FRMD4A: variants seen among roughly 807,000 people sequenced by gnomAD.
FRMD4A encodes the protein FERM domain-containing protein 4A.
FRMD4A carries 29 observed loss-of-function variants against 129.1 expected under a neutral mutation model. The observed-to-expected ratio is 0.22, with a 90% CI of 0.17 to 0.31. FRMD4A has a LOEUF of 0.31. FRMD4A is among the 10% of genes least tolerant of loss of function. FRMD4A has a pLI of 1.00. For synonymous variants in FRMD4A, 634 were observed against 571.6 expected (o/e 1.11, Z -1.56); for missense variants, 1,272 against 1,375.8 (o/e 0.92, Z 1.19).
At chr10:13,708,776 A>G (rs940242333) in intron 12 of FRMD4A, among the ~76,000 whole-genome samples, 1 of 152,052 alleles carries the variant, frequency 6.6e-6, no homozygotes, top group Non-Finnish European at 1.5e-5. Context: ...AAAACACCCA[A>G]ATTTCCTCTC....
chr10:13,919,831 G>C (rs765418282), intron 2 of FRMD4A, among the ~76,000 whole-genome samples: 13 of 152,052 alleles, frequency 8.5e-5, no homozygotes, highest in Non-Finnish European at 1.5e-4. Context: ...CCAGCCATTC[G>C]GGAGGCTGAG....
intron 2 of FRMD4A, among the ~76,000 whole-genome samples, chr10:14,063,315 A>G (rs966363778): frequency 1.3e-5 from 2 of 152,162 alleles, no homozygotes; most frequent in Non-Finnish European, 2.9e-5. Context: ...TCTTCAAAAG[A>G]GGCAAGATTC....
intron 2 of FRMD4A, among the ~76,000 whole-genome samples, chr10:13,876,049 C>T (rs927930285): frequency 3.9e-5 from 6 of 152,190 alleles, no homozygotes; most frequent in African/African-American, 1.4e-4. Flanking sequence ...AGCATCATTG[C>T]TCAAAATGGA....
At chr10:13,729,614 C>A (rs1385863854) in intron 12 of FRMD4A, 1 of 152,148 alleles carries the variant, frequency 6.6e-6, no homozygotes, top group African/African-American at 2.4e-5. Context: ...AGAGCCAATG[C>A]CCCTGCTTCC....
Position 13,796,540 on chromosome 10 carries a change from G to A in FRMD4A, c.255C>T (p.Asp85=). 6.2e-7 allele frequency: 1 copy of A among 1,603,148 alleles called. No individual in the cohort carries two copies. The change falls in exon 5 of 25, where the codon GAC becomes GAT. Residue 85 remains aspartate, a synonymous_variant. Coordinates refer to ENST00000357447, the MANE Select transcript of FRMD4A (RefSeq NM_018027.5). ...CCACGGGTCCTGACTTTTTAGGGAA[G>A]TCATGTTCCAATACTCTTCGATCTA... ...LQLDRRVLEH[D]FPKKSGPVVL... is the part of the protein sequence containing the mutation.
intron 2 of FRMD4A, among the ~76,000 whole-genome samples, chr10:13,865,391 T>C (rs2094351772): frequency 6.7e-6 from 1 of 149,966 alleles, no homozygotes; most frequent in South Asian, 2.1e-4. Context: ...GCTTACTTTA[T>C]TTTATTTATT....
intron 2 of FRMD4A, among the ~76,000 whole-genome samples, chr10:14,053,934 G>A (rs997879776): frequency 6.6e-6 from 1 of 152,116 alleles, no homozygotes; most frequent in Non-Finnish European, 1.5e-5. Flanking sequence ...CTGAGCCCAG[G>A]AGCTCCAGGC....
rs111737211 is a variant in FRMD4A, at chr10:14,103,547, G to A, written c.45+226511C>T. Among the ~76,000 whole-genome samples the A allele has an allele frequency of 1.5e-3, 222 of 152,154 alleles. 1 individual carries two copies. Among genetic ancestry groups the A allele is most frequent in the African/African-American group, 4.8e-3 (198 of 41,516 alleles). The stretch of plus-strand genomic sequence containing the variant: ...TAACTACCTGCAGACTGTTTTTGTC[G>A]CAAAAGAGAAATAAATATCTATCCT... On this transcript the variant is annotated intron_variant, in intron 2 of 24. Coordinates refer to ENST00000357447, the MANE Select transcript of FRMD4A (RefSeq NM_018027.5).
intron 2 of FRMD4A, among the ~76,000 whole-genome samples, chr10:13,925,062 TAAAAA>T (rs57484737): frequency 1.9e-5 from 2 of 103,232 alleles, no homozygotes; most frequent in African/African-American, 3.8e-5. Context: ...AGACTCCGTG[TAAAAA>T]AAAAAAAAAA....
intron 2 of FRMD4A, among the ~76,000 whole-genome samples, chr10:14,135,103 C>T (rs1235490629): frequency 1.3e-5 from 2 of 152,140 alleles, no homozygotes; most frequent in African/African-American, 2.4e-5. Context: ...GCATTCTGTC[C>T]ATCAGCAGTA....
At chr10:14,133,163 T>A (rs1839352729) in intron 2 of FRMD4A, among the ~76,000 whole-genome samples, 1 of 152,302 alleles carries the variant, frequency 6.6e-6, no homozygotes, top group Middle Eastern at 3.4e-3. Context: ...GTGAATGAAG[T>A]TGAATTAGCA....
intron 2 of FRMD4A, among the ~76,000 whole-genome samples, chr10:14,295,681 G>C (rs1845985640): frequency 6.6e-6 from 1 of 152,144 alleles, no homozygotes; most frequent in African/African-American, 2.4e-5. Flanking sequence ...GCAGCACATG[G>C]GCTGTGGGTG....
chr10:13,706,980 T>G (rs1209984069), intron 13 of FRMD4A, 57 bp downstream of exon 13: 3 of 902,504 alleles, frequency 3.3e-6, no homozygotes, highest in Admixed American at 1.7e-5. Flanking sequence ...ATAATATCCA[T>G]AACACGCCCG....
At chr10:13,994,699 C>T (rs2095616339) in intron 2 of FRMD4A, among the ~76,000 whole-genome samples, 1 of 152,206 alleles carries the variant, frequency 6.6e-6, no homozygotes, top group Non-Finnish European at 1.5e-5. Flanking sequence ...CACATACACA[C>T]ATACAGACAT....
chr10:14,096,699 C>T (rs1836980701), intron 2 of FRMD4A, among the ~76,000 whole-genome samples: 1 of 152,234 alleles, frequency 6.6e-6, no homozygotes, highest in African/African-American at 2.4e-5. Context: ...CAGATCTGAA[C>T]TCTGCTCTGC....
intron 6 of FRMD4A, among the ~76,000 whole-genome samples, chr10:13,770,342 C>T (rs1442788460): frequency 1.3e-5 from 2 of 152,214 alleles, no homozygotes; most frequent in East Asian, 1.9e-4. Context: ...AACTCTGCCG[C>T]GTTGGGATTT....
intron 8 of FRMD4A, chr10:13,756,051 T>C (rs1271077030): frequency 6.6e-6 from 1 of 152,270 alleles, no homozygotes; most frequent in African/African-American, 2.4e-5. Context: ...GTTTGCTTTC[T>C]GGTCTTAATA....
chr10:13,931,846 G>A (rs1470981793), intron 2 of FRMD4A, among the ~76,000 whole-genome samples: 2 of 151,936 alleles, frequency 1.3e-5, no homozygotes, highest in Non-Finnish European at 2.9e-5. Flanking sequence ...GTACTTGGGA[G>A]GCTGAGGCAG....
In FRMD4A at chr10:13,656,855, C is replaced by G; in HGVS notation, c.2734G>C (p.Glu912Gln). ...CCCGCGCCCTTGTCGTGGGCGCCCT[C>G]GCGGCCCAGCGACGGAGTCCGCAGG... is the stretch of plus-strand genomic sequence containing the variant. ...QILRTPSLGR[E>Q]GAHDKGAGRA... Residue 912 changes from glutamate (E) to glutamine (Q), a missense_variant, in exon 22 of 25, where the codon GAG (glutamate) becomes CAG (glutamine). Coordinates refer to ENST00000357447, the MANE Select transcript of FRMD4A (RefSeq NM_018027.5). 1 of 1,494,038 alleles carries G rather than the reference C, an allele frequency of 6.7e-7. No individual in the cohort carries two copies. Among genetic ancestry groups the G allele is most frequent in the Non-Finnish European group, 8.9e-7 (1 of 1,125,394 alleles). The allele number at this position is 1,494,038 out of a possible 1,614,324, so 92.5% of individuals were successfully genotyped here. A position where few individuals can be genotyped will look rare whatever the true frequency, so the allele number is the denominator to read the frequency against.
Sources: gnomAD v4.1 joint callset for allele counts (sites outside exome capture counted in the v4.1 genomes callset) on GRCh38, gnomAD v4.1.1 for gene constraint, MANE v1.5 for transcripts, NCBI Gene and HGNC (gene_info 2026-07-23, HGNC 2026-07-21) for gene names.